PLXNA2: variants seen among roughly 807,000 people sequenced by gnomAD.
The protein encoded by PLXNA2 is plexin-A2.
In PLXNA2, 91 loss-of-function variants were observed where a neutral mutation model predicts 193.5. That is an observed-to-expected ratio of 0.47 (90% confidence interval 0.40 to 0.56). The LOEUF is 0.56. Ranked by LOEUF, PLXNA2 falls within the 20% of genes least tolerant of loss-of-function variation. The probability of loss-of-function intolerance (pLI) is 0.00; values close to 1 mark genes in which losing one functional copy is unlikely to be tolerated. For missense variants in PLXNA2, 1,995 were observed against 2,503.2 expected (o/e 0.80, Z 4.33); for synonymous variants, 997 against 1,027.3 (o/e 0.97, Z 0.56).
chr1:208,240,286 G>A (rs532576251), intron 1 of PLXNA2, among the ~76,000 whole-genome samples: 1 of 152,182 alleles, frequency 6.6e-6, no homozygotes, highest in Admixed American at 6.5e-5. Context: ...AGAGCCTGAG[G>A]GCTAAGCCCA....
At chr1:208,239,114 A>T (rs1572066661) in intron 1 of PLXNA2, among the ~76,000 whole-genome samples, 1 of 151,632 alleles carries the variant, frequency 6.6e-6, no homozygotes, top group Non-Finnish European at 1.5e-5. Flanking sequence ...GACGGCTGGG[A>T]GTTTCGAATA....
At chr1:208,240,475 T>C (rs569644001) in intron 1 of PLXNA2, among the ~76,000 whole-genome samples, 1 of 152,312 alleles carries the variant, frequency 6.6e-6, no homozygotes, top group East Asian at 1.9e-4. Context: ...CATGAAATCT[T>C]TGTAACGAAG....
chr1:208,211,437 T>A (rs1034769740), intron 2 of PLXNA2, among the ~76,000 whole-genome samples: 4 of 152,152 alleles, frequency 2.6e-5, no homozygotes. Context: ...CTCACGCCTG[T>A]AATCCCAGCA....
rs1305671528 is a variant in PLXNA2 at position 208,024,766 on chromosome 1, CT to C, written c.*2476del. On this transcript the variant is annotated 3_prime_UTR_variant, in exon 32 of 32. Transcript: ENST00000367033. The stretch of plus-strand genomic sequence containing the variant: ...AGATGCTACTGAGATGTCCGACTGC[CT>C]TTAACTTCTTGGTGGAGCAAAGCCT... 1 of 152,176 alleles carries C rather than the reference CT, an allele frequency of 6.6e-6. No homozygotes were observed. Among genetic ancestry groups the C allele is most frequent in the African/African-American group, 2.4e-5 (1 of 41,440 alleles). 9.4% of individuals were successfully genotyped at this position (152,176 alleles called of 1,614,324 possible).
intron 12 of PLXNA2, among the ~76,000 whole-genome samples, chr1:208,075,309 CAAA>C (rs10578909): frequency 5.4e-5 from 8 of 147,602 alleles, no homozygotes; most frequent in African/African-American, 1.0e-4. Context: ...GACTCTGTCT[CAAA>C]AAAAAAAAAA....
chr1:208,204,390 C>T (rs1670649554), intron 3 of PLXNA2, among the ~76,000 whole-genome samples: 1 of 152,186 alleles, frequency 6.6e-6, no homozygotes, highest in South Asian at 2.1e-4. Context: ...CTGTCCCCTT[C>T]CTCCAGCCAA....
Position 208,044,698 on chromosome 1 carries a change from G to T in PLXNA2, c.3684C>A (p.Val1228=). Residue 1228 remains valine, a synonymous_variant, in exon 20 of 32, where the codon GTC becomes GTA. Coordinates refer to ENST00000367033, the MANE Select transcript of PLXNA2 (RefSeq NM_025179.4). The surrounding 1 kb of genome is among the most constrained non-coding windows in gnomAD (Gnocchi z 4.9). ...GCAGGGTCAGCAAGCTGTCTGAGAT[G>T]ACACTCACCGAGCCAGGCGAGAACA... is the stretch of plus-strand genomic sequence containing the variant. ...GMVFSPGSVS[V]ISDSLLTLPA... The T allele has an allele frequency of 6.2e-7, 1 of 1,614,106 alleles. No individual in the cohort carries two copies. Among genetic ancestry groups the T allele is most frequent in the Non-Finnish European group, 8.5e-7 (1 of 1,180,034 alleles).
Position 208,084,568 on chromosome 1 carries a change from G to C in PLXNA2, c.2110C>G (p.Leu704Val). ...ATCAAGATCTCCTCTGTGGGCACCA[G>C]CTGGGGACAGTCCTGGGGGAACAAA... ...RINISEDCPQ[L>V]VPTEEILIPV... The change falls in exon 10 of 32, where the codon CTG becomes GTG. Residue 704 changes from leucine (L) to valine (V), a missense_variant. Coordinates refer to ENST00000367033, the MANE Select transcript of PLXNA2 (RefSeq NM_025179.4). 1 of 1,614,236 alleles carries C rather than the reference G, an allele frequency of 6.2e-7. No homozygotes were observed. Among genetic ancestry groups the C allele is most frequent in the Non-Finnish European group, 8.5e-7 (1 of 1,180,026 alleles).
chr1:208,037,365 G>T (rs1402655578), intron 26 of PLXNA2, among the ~76,000 whole-genome samples: 2 of 152,154 alleles, frequency 1.3e-5, no homozygotes, highest in African/African-American at 4.8e-5. Flanking sequence ...GGACCCCTGT[G>T]CCACAGCTTC....
intron 3 of PLXNA2, among the ~76,000 whole-genome samples, chr1:208,174,843 T>C (rs1196003118): frequency 1.3e-5 from 2 of 152,196 alleles, no homozygotes; most frequent in Non-Finnish European, 2.9e-5. Flanking sequence ...GTGACAACAG[T>C]GGTGGATACA....
intron 26 of PLXNA2, among the ~76,000 whole-genome samples, chr1:208,037,447 C>A (rs1424598735): frequency 1.3e-5 from 2 of 152,244 alleles, no homozygotes; most frequent in African/African-American, 4.8e-5. Flanking sequence ...AGAGCCCAGC[C>A]TGCCAGCCCC....
intron 4 of PLXNA2, among the ~76,000 whole-genome samples, chr1:208,117,894 T>C (rs937988256): frequency 2.0e-5 from 3 of 152,220 alleles, no homozygotes; most frequent in Non-Finnish European, 4.4e-5. Flanking sequence ...GGTCTGGAAC[T>C]GGACATTATC....
intron 9 of PLXNA2, 53 bp from the exon 10 acceptor site, chr1:208,084,633 G>T: frequency 6.4e-7 from 1 of 1,562,818 alleles, no homozygotes; most frequent in Non-Finnish European, 8.8e-7. Flanking sequence ...GCTGTCCTAT[G>T]TGCCTGGGAC....
chr1:208,138,962 G>A (rs1668385981), intron 4 of PLXNA2, among the ~76,000 whole-genome samples: 1 of 152,238 alleles, frequency 6.6e-6, no homozygotes, highest in Non-Finnish European at 1.5e-5. Flanking sequence ...AGGAGGCGGA[G>A]GTTGCAGTGA....
chr1:208,219,934 T>C (rs911554787), intron 1 of PLXNA2, among the ~76,000 whole-genome samples: 6 of 152,222 alleles, frequency 3.9e-5, no homozygotes, highest in African/African-American at 1.2e-4. Flanking sequence ...TTTTTAGCTA[T>C]GTCCTGAGGC....
chr1:208,163,794 A>G (rs1558223885), intron 3 of PLXNA2, among the ~76,000 whole-genome samples: 1 of 152,164 alleles, frequency 6.6e-6, no homozygotes, highest in Non-Finnish European at 1.5e-5. Flanking sequence ...CTTTCTCCCA[A>G]CCATCCTTTG....
intron 3 of PLXNA2, among the ~76,000 whole-genome samples, chr1:208,197,365 G>A (rs542909127): frequency 3.9e-5 from 6 of 152,266 alleles, no homozygotes; most frequent in Non-Finnish European, 7.3e-5. Flanking sequence ...CAGGCTGAGG[G>A]TGAATGGGGC....
At chr1:208,095,321 A>C (rs1048796870) in intron 8 of PLXNA2, among the ~76,000 whole-genome samples, 7 of 152,160 alleles carry the variant, frequency 4.6e-5, no homozygotes, top group African/African-American at 1.7e-4. Context: ...TTCCCTGTGA[A>C]ATGTTCCCAG....
In PLXNA2 at chr1:208,042,089, G is replaced by A. The variant is rs750520423; in HGVS notation, c.4286+9C>T. ...TGCCACCCTCTCCACCCACTGCTGC[G>A]GGCCAGACCTCCGGAGTAGCAGCTT... On this transcript the variant is annotated intron_variant, in intron 22 of 31. Transcript: ENST00000367033. 5 of 1,612,404 alleles carry A rather than the reference G, an allele frequency of 3.1e-6. No individual in the cohort carries two copies. Among genetic ancestry groups the A allele is most frequent in the Non-Finnish European group, 4.2e-6 (5 of 1,178,910 alleles).
Sources: allele counts gnomAD v4.1 joint callset (sites outside exome capture counted in the v4.1 genomes callset), GRCh38; gene constraint gnomAD v4.1.1; non-coding constraint Gnocchi (gnomAD v3.1); transcripts MANE v1.5; gene names NCBI Gene and HGNC (gene_info 2026-07-23, HGNC 2026-07-21).